Variants in TMEM45A observed in about 807,000 individuals in gnomAD.
TMEM45A encodes transmembrane protein 45A.
TMEM45A carries 25 observed loss-of-function variants against 32.0 expected under a neutral mutation model. The ratio of observed to expected loss-of-function variants is 0.78; its 90% CI spans 0.57 to 1.09. The LOEUF (loss-of-function observed/expected upper bound fraction) is 1.09. TMEM45A is among the 50% of genes least tolerant of loss of function. TMEM45A has a pLI of 0.00. For missense variants in TMEM45A, 302 were observed against 325.0 expected, an observed-to-expected ratio of 0.93 and a Z score of 0.54; for synonymous variants, 122 against 114.8, an observed-to-expected ratio of 1.06 and a Z score of -0.40.
At chr3:100,535,798 C>T (rs1419624238) in intron 1 of TMEM45A, among the ~76,000 whole-genome samples, 1 of 152,166 alleles carries the variant, frequency 6.6e-6, no homozygotes, top group Non-Finnish European at 1.5e-5. Flanking sequence ...GTGCAAACTT[C>T]ATTTTTTCCA....
chr3:100,526,682 GA>G (rs1306229919), intron 1 of TMEM45A, among the ~76,000 whole-genome samples: 1 of 152,040 alleles, frequency 6.6e-6, no homozygotes, highest in African/African-American at 2.4e-5. Flanking sequence ...ATTTTAGATG[GA>G]AAAAAATTAT....
intron 1 of TMEM45A, among the ~76,000 whole-genome samples, chr3:100,495,625 C>A (rs973687325): frequency 6.6e-6 from 1 of 152,116 alleles, no homozygotes; most frequent in African/African-American, 2.4e-5. Context: ...TAATCCATCT[C>A]TGGGGTCCTG....
At chr3:100,561,568 C>T (rs952315237) in intron 4 of TMEM45A, among the ~76,000 whole-genome samples, 2 of 152,080 alleles carry the variant, frequency 1.3e-5, no homozygotes, top group African/African-American at 4.8e-5. Context: ...GTCAAAAATG[C>T]TTTCTCAATA....
At chr3:100,558,287 T>G in intron 3 of TMEM45A, 118 bp from the exon 4 acceptor site, 2 of 1,229,422 alleles carry the variant, frequency 1.6e-6, no homozygotes, top group South Asian at 1.4e-5. Context: ...AGTGGGCGCC[T>G]GCTCTTTTGG....
chr3:100,560,661 C>T (rs1375771825), intron 4 of TMEM45A, among the ~76,000 whole-genome samples: 2 of 152,018 alleles, frequency 1.3e-5, no homozygotes, highest in Non-Finnish European at 2.9e-5. Context: ...GAAAGTATAT[C>T]CTCTGTTTGG....
chr3:100,567,706 G>A (rs575358347), intron 4 of TMEM45A, among the ~76,000 whole-genome samples: 33 of 152,168 alleles, frequency 2.2e-4, no homozygotes, highest in African/African-American at 7.9e-4. Context: ...TGGTGTACAA[G>A]TCTTAAACCT....
intron 1 of TMEM45A, among the ~76,000 whole-genome samples, chr3:100,516,664 G>C (rs1259139829): frequency 6.6e-6 from 1 of 152,074 alleles, no homozygotes; most frequent in African/African-American, 2.4e-5. Flanking sequence ...AAATTGTAAA[G>C]ACTCAGAAAA....
At chr3:100,567,742 A>G (rs1022982038) in intron 4 of TMEM45A, among the ~76,000 whole-genome samples, 1 of 151,956 alleles carries the variant, frequency 6.6e-6, no homozygotes, top group Non-Finnish European at 1.5e-5. Context: ...TTCTTAAAGT[A>G]TTTTATTCTT....
intron 1 of TMEM45A, among the ~76,000 whole-genome samples, chr3:100,521,789 C>A (rs1008222510): frequency 2.6e-5 from 4 of 152,238 alleles, no homozygotes; most frequent in African/African-American, 9.6e-5. Context: ...GCCAGAGCCT[C>A]CTTGCCACAT....
intron 1 of TMEM45A, among the ~76,000 whole-genome samples, chr3:100,496,471 A>G (rs1707930400): frequency 6.6e-6 from 1 of 152,316 alleles, no homozygotes; most frequent in East Asian, 1.9e-4. Context: ...TTGTAGCCCG[A>G]GCCTTACCCA....
chr3:100,493,408 T>C (rs1707876546), intron 1 of TMEM45A, among the ~76,000 whole-genome samples: 1 of 152,038 alleles, frequency 6.6e-6, no homozygotes, highest in Admixed American at 6.5e-5. Flanking sequence ...ACGTAAAACC[T>C]GGGTTATGCA....
chr3:100,557,124 G>T, intron 3 of TMEM45A, 152 bp downstream of exon 3: 1 of 833,812 alleles, frequency 1.2e-6, no homozygotes, highest in Non-Finnish European at 1.9e-6. Context: ...GTCCTAGGCA[G>T]GGCGCCAAAA....
chr3:100,537,851 G>A (rs558195808), intron 1 of TMEM45A, among the ~76,000 whole-genome samples: 1 of 150,888 alleles, frequency 6.6e-6, no homozygotes, highest in South Asian at 2.1e-4. Flanking sequence ...CATTTTGACT[G>A]TACATTGTTT....
At chr3:100,517,139 C>A (rs1252986120) in intron 1 of TMEM45A, among the ~76,000 whole-genome samples, 1 of 145,794 alleles carries the variant, frequency 6.9e-6, no homozygotes, top group African/African-American at 2.6e-5. Flanking sequence ...TTTTTTAAGA[C>A]AGAGTCTCTC....
chr3:100,519,673 T>G, intron 1 of TMEM45A: 1 of 1,476,298 alleles, frequency 6.8e-7, no homozygotes, highest in East Asian at 2.5e-5. Flanking sequence ...AACTTTTGAT[T>G]CATAAAGACC....
intron 1 of TMEM45A, among the ~76,000 whole-genome samples, chr3:100,521,846 G>C (rs548519534): frequency 6.6e-6 from 1 of 152,328 alleles, no homozygotes; most frequent in East Asian, 1.9e-4. Flanking sequence ...ACGGCTCTGG[G>C]CCACTTTCCA....
At chr3:100,527,215 AG>A (rs1705561642) in intron 1 of TMEM45A, among the ~76,000 whole-genome samples, 1 of 152,172 alleles carries the variant, frequency 6.6e-6, no homozygotes, top group South Asian at 2.1e-4. Flanking sequence ...AGAATAAATG[AG>A]GGTCAATAAA....
Position 100,558,529 on chromosome 3 carries a change from T to C in TMEM45A, c.528T>C (p.Asn176=), listed in dbSNP as rs368984687. The stretch of plus-strand genomic sequence containing the variant: ...TCCTAGAGTTCCTTGTTCGGAACAA[T>C]GTACTTCTGGAGCTATTGCGGTCAA... ...VAFLEFLVRN[N]VLLELLRSSL... is the part of the protein sequence containing the mutation. Residue 176 remains asparagine, a synonymous_variant, in exon 4 of 6, where the codon AAT becomes AAC. Transcript: ENST00000323523. The C allele has an allele frequency of 1.5e-5, 24 of 1,614,036 alleles. No individual in the cohort carries two copies. The highest frequency in any genetic ancestry group is 1.6e-4 in the Middle Eastern group (1 of 6,078).
intron 1 of TMEM45A, among the ~76,000 whole-genome samples, chr3:100,514,691 C>T (rs1321422303): frequency 2.6e-5 from 4 of 152,044 alleles, no homozygotes; most frequent in African/African-American, 9.7e-5. Flanking sequence ...GAACAGGCAA[C>T]CTACAAAATG....
Sources: gnomAD v4.1 joint callset for allele counts (sites outside exome capture counted in the v4.1 genomes callset) on GRCh38, gnomAD v4.1.1 for gene constraint, MANE v1.5 for transcripts, NCBI Gene and HGNC (gene_info 2026-07-23, HGNC 2026-07-21) for gene names.